The following R3HDM1 variants were observed in gnomAD, a reference collection of about 807,000 sequenced individuals.
R3HDM1 encodes R3H domain containing 1.
In R3HDM1, 46 loss-of-function variants were observed where a neutral mutation model predicts 141.1. The ratio of observed to expected loss-of-function variants is 0.33; its 90% CI spans 0.26 to 0.42. R3HDM1 has a LOEUF of 0.42. Among genes scored for constraint, R3HDM1 ranks in the 10% least tolerant of loss-of-function variants. The pLI is 1.00. For synonymous variants in R3HDM1, 435 were observed against 472.9 expected (o/e 0.92, Z 1.04); for missense variants, 1,184 against 1,368.3 (o/e 0.87, Z 2.12).
At chr2:135,558,020 G>A (rs1701102943) in intron 1 of R3HDM1, among the ~76,000 whole-genome samples, 1 of 152,152 alleles carries the variant, frequency 6.6e-6, no homozygotes, top group South Asian at 2.1e-4. Flanking sequence ...GAGATACAGT[G>A]GATAATGATA....
At chr2:135,543,118 G>C (rs1388130520) in intron 1 of R3HDM1, 15 of 981,172 alleles carry the variant, frequency 1.5e-5, no homozygotes, top group Non-Finnish European at 1.8e-5. Flanking sequence ...TACAGTCTCT[G>C]TAATATGTAA....
intron 1 of R3HDM1, among the ~76,000 whole-genome samples, chr2:135,550,509 G>T (rs1699633998): frequency 1.3e-5 from 2 of 152,116 alleles, no homozygotes; most frequent in Non-Finnish European, 2.9e-5. Flanking sequence ...CTTTTCTCAT[G>T]TCATTTTTTT....
chr2:135,565,358 TATTA>T (rs1702552085), intron 1 of R3HDM1, among the ~76,000 whole-genome samples: 2 of 147,816 alleles, frequency 1.4e-5, no homozygotes, highest in African/African-American at 4.9e-5. Flanking sequence ...TTATTATTAT[TATTA>T]TTTTTAAATT....
chr2:135,690,089 C>G (rs888893482), intron 21 of R3HDM1, among the ~76,000 whole-genome samples: 1 of 152,088 alleles, frequency 6.6e-6, no homozygotes, highest in Non-Finnish European at 1.5e-5. Flanking sequence ...AGAAAACCTA[C>G]TTTTAAGTCT....
Position 135,722,093 on chromosome 2 carries a change from T to G in R3HDM1, c.2964+87T>G, listed in dbSNP as rs1287620060. 4 of 1,289,036 alleles carry G rather than the reference T, an allele frequency of 3.1e-6. No homozygotes were observed. The African/African-American group carries it at 5.9e-5, about 19-fold the overall frequency. The allele number at this position is 1,289,036 out of a possible 1,614,324, so 79.8% of individuals were successfully genotyped here. ...AAGGGGCAACCCTGAGCCCACCTGT[T>G]GGCACTGCCCAAGAAGAGCTCTGTG... On this transcript the variant is annotated intron_variant, in intron 25 of 26. Transcript: ENST00000683871.
In R3HDM1 at chr2:135,664,031, CA is replaced by C. The variant is rs11382173; in HGVS notation, c.2152+2656del. Among the ~76,000 whole-genome samples, 220 of 103,782 alleles carry C rather than the reference CA, an allele frequency of 2.1e-3. 2 individuals carry two copies. Among genetic ancestry groups the C allele is most frequent in the East Asian group, 7.1e-3 (31 of 4,368 alleles). The allele number at this position is 103,782 out of a possible 152,430, so 68.1% of individuals were successfully genotyped here. A position where few individuals can be genotyped will look rare whatever the true frequency, so the allele number is the denominator to read the frequency against. On this transcript the variant is annotated intron_variant, in intron 19 of 26. Coordinates refer to ENST00000683871, the MANE Select transcript of R3HDM1 (RefSeq NM_001378107.1). ...CCTGGGCAACAGAGTGAGACTGTCT[CA>C]AAAAAAAAAAAAAAAAACTTAACAG...
intron 1 of R3HDM1, among the ~76,000 whole-genome samples, chr2:135,534,514 C>A (rs1010918257): frequency 2.0e-5 from 3 of 152,186 alleles, no homozygotes; most frequent in African/African-American, 7.2e-5. Context: ...ACTGAGTCTT[C>A]ACATATAATA....
At chr2:135,599,318 CAT>C (rs1430880721) in intron 1 of R3HDM1, among the ~76,000 whole-genome samples, 1 of 151,944 alleles carries the variant, frequency 6.6e-6, no homozygotes, top group Non-Finnish European at 1.5e-5. Flanking sequence ...ATTTTGAGCT[CAT>C]ATATCCATCT....
intron 21 of R3HDM1, among the ~76,000 whole-genome samples, chr2:135,690,542 C>A (rs2072184299): frequency 6.6e-6 from 1 of 152,076 alleles, no homozygotes; most frequent in Non-Finnish European, 1.5e-5. Context: ...AACCAATATA[C>A]CCTACAGCAT....
chr2:135,702,674 A>G (rs1575130300), intron 21 of R3HDM1, among the ~76,000 whole-genome samples: 1 of 150,166 alleles, frequency 6.7e-6, no homozygotes, highest in South Asian at 2.1e-4. Flanking sequence ...AAAAAATATC[A>G]GGCATGGTGA....
chr2:135,601,132 TA>T (rs1270333223), intron 1 of R3HDM1, among the ~76,000 whole-genome samples: 1 of 152,212 alleles, frequency 6.6e-6, no homozygotes, highest in Non-Finnish European at 1.5e-5. Context: ...TTTTATGAGA[TA>T]AAAAGCTAAA....
At chr2:135,649,336 A>G (rs1278367618) in intron 16 of R3HDM1, 2 of 152,082 alleles carry the variant, frequency 1.3e-5, no homozygotes, top group Non-Finnish European at 2.9e-5. Context: ...AAGTGCTGGG[A>G]TATATTTTTT....
intron 7 of R3HDM1, among the ~76,000 whole-genome samples, chr2:135,627,460 T>C (rs1428126610): frequency 6.6e-6 from 1 of 152,172 alleles, no homozygotes; most frequent in East Asian, 1.9e-4. Flanking sequence ...TGCAATATTT[T>C]CAGAGACTAC....
chr2:135,717,410 G>T (rs2076273140), intron 24 of R3HDM1, among the ~76,000 whole-genome samples: 1 of 151,972 alleles, frequency 6.6e-6, no homozygotes, highest in African/African-American at 2.4e-5. Flanking sequence ...CTTGAACTCG[G>T]GAGGCAGAGG....
chr2:135,712,925 AAAAT>A (rs1332508070), intron 23 of R3HDM1, among the ~76,000 whole-genome samples: 1 of 151,518 alleles, frequency 6.6e-6, no homozygotes, highest in Non-Finnish European at 1.5e-5. Flanking sequence ...CGTCTCAAAA[AAAAT>A]AAATAAAAAT....
At chr2:135,533,145 A>G (rs931009876) in intron 1 of R3HDM1, among the ~76,000 whole-genome samples, 9 of 152,210 alleles carry the variant, frequency 5.9e-5, no homozygotes, top group Admixed American at 3.3e-4. Context: ...TGTGGTATCT[A>G]TTAAAAAAAT....
intron 1 of R3HDM1, among the ~76,000 whole-genome samples, chr2:135,542,515 T>A (rs1697819047): frequency 6.6e-6 from 1 of 152,192 alleles, no homozygotes; most frequent in Non-Finnish European, 1.5e-5. Context: ...TAACTCCTCG[T>A]CATTTAAACT....
In R3HDM1 at chr2:135,652,929, T is replaced by C. The variant is rs898073070; in HGVS notation, c.2028+897T>C. Among the ~76,000 whole-genome samples the C allele has an allele frequency of 7.2e-5, 11 of 152,306 alleles. No individual in the cohort carries two copies. The South Asian group carries it at 1.2e-3, about 17-fold the overall frequency. The stretch of plus-strand genomic sequence containing the variant: ...TAAAATTGTTCTTAATATCCCCTTA[T>C]GCTTTTAATGTTTTTAGGATCTTAG... On this transcript the variant is annotated intron_variant, in intron 18 of 26. Coordinates refer to ENST00000683871, the MANE Select transcript of R3HDM1 (RefSeq NM_001378107.1).
chr2:135,699,045 A>AGATAGATAGATAGATTGATAGATT (rs202144929), intron 21 of R3HDM1, among the ~76,000 whole-genome samples: 4 of 129,826 alleles, frequency 3.1e-5, no homozygotes, highest in Non-Finnish European at 4.7e-5. Flanking sequence ...ATAGATAGAT[A>AGATAGATAGATAGATTGATAGATT]AGATAGATAA....
Sources: gnomAD v4.1 joint callset for allele counts (sites outside exome capture counted in the v4.1 genomes callset) on GRCh38, gnomAD v4.1.1 for gene constraint, MANE v1.5 for transcripts, NCBI Gene and HGNC (gene_info 2026-07-23, HGNC 2026-07-21) for gene names.